ERC2: variants seen among roughly 807,000 people sequenced by gnomAD.
The protein encoded by ERC2 is ELKS/RAB6-interacting/CAST family member 2.
A neutral mutation model predicts 114.8 loss-of-function variants in ERC2; 42 were observed. That is an observed-to-expected ratio of 0.37 (90% CI 0.29 to 0.47). The LOEUF is 0.47. ERC2 is among the 20% of genes least tolerant of loss of function. The pLI, the probability that ERC2 is intolerant of heterozygous loss-of-function variation, is 0.99. For synonymous variants in ERC2, 454 were observed against 425.5 expected (o/e 1.07, Z -0.82); for missense variants, 939 against 1,150.7 (o/e 0.82, Z 2.66).
At chr3:55,865,837 T>G (rs2062286264) in intron 14 of ERC2, among the ~76,000 whole-genome samples, 1 of 152,214 alleles carries the variant, frequency 6.6e-6, no homozygotes, top group African/African-American at 2.4e-5. Flanking sequence ...TACCATCTTT[T>G]GTCTATCCAT....
intron 4 of ERC2, 135 bp from the exon 5 acceptor site, chr3:56,149,267 G>A: frequency 1.3e-6 from 1 of 791,604 alleles, no homozygotes; most frequent in Non-Finnish European, 1.9e-6. Context: ...CCTGAATTTA[G>A]GACAACTTAT....
chr3:56,115,261 C>A (rs1226162263), intron 6 of ERC2, among the ~76,000 whole-genome samples: 1 of 152,172 alleles, frequency 6.6e-6, no homozygotes, highest in Non-Finnish European at 1.5e-5. Context: ...CAGTTACAAA[C>A]CCAGAAGCTC....
At chr3:56,350,012 C>A (rs2058489959) in intron 2 of ERC2, among the ~76,000 whole-genome samples, 1 of 151,998 alleles carries the variant, frequency 6.6e-6, no homozygotes, top group Non-Finnish European at 1.5e-5. Flanking sequence ...TGCAATATGC[C>A]TATAGAACAA....
At chr3:56,214,919 A>C (rs1266754798) in intron 3 of ERC2, among the ~76,000 whole-genome samples, 1 of 152,222 alleles carries the variant, frequency 6.6e-6, no homozygotes, top group East Asian at 1.9e-4. Flanking sequence ...GAGAAATAAA[A>C]TCCTTTACAG....
At chr3:55,969,885 A>G (rs1031026192) in intron 12 of ERC2, among the ~76,000 whole-genome samples, 3 of 152,224 alleles carry the variant, frequency 2.0e-5, no homozygotes, top group African/African-American at 7.2e-5. Context: ...GCACTATAAA[A>G]TGAGGCCATA....
intron 2 of ERC2, among the ~76,000 whole-genome samples, chr3:56,380,218 T>C (rs775436042): frequency 1.3e-5 from 2 of 152,140 alleles, no homozygotes; most frequent in African/African-American, 2.4e-5. Flanking sequence ...GGAGACATGA[T>C]TGCTTTATAG....
intron 6 of ERC2, among the ~76,000 whole-genome samples, chr3:56,103,402 G>A (rs531988183): frequency 6.6e-6 from 1 of 152,228 alleles, no homozygotes; most frequent in East Asian, 1.9e-4. Context: ...AGGATGTAAT[G>A]GAGCCAAAAG....
chr3:55,996,028 G>C (rs1490090666), intron 10 of ERC2, among the ~76,000 whole-genome samples: 1 of 152,108 alleles, frequency 6.6e-6, no homozygotes, highest in East Asian at 1.9e-4. Flanking sequence ...TAACAGACTT[G>C]GATCTATCAT....
At chr3:56,233,858 C>T (rs1349651111) in intron 3 of ERC2, among the ~76,000 whole-genome samples, 1 of 152,152 alleles carries the variant, frequency 6.6e-6, no homozygotes. Context: ...TCTCTACCAT[C>T]ACATCTCCTT....
intron 7 of ERC2, among the ~76,000 whole-genome samples, chr3:56,057,003 C>T (rs1340326065): frequency 1.3e-5 from 2 of 152,084 alleles, no homozygotes; most frequent in African/African-American, 2.4e-5. Context: ...GTCTAACCTA[C>T]ATAGTTAAAA....
intron 2 of ERC2, among the ~76,000 whole-genome samples, chr3:56,373,916 A>G (rs1192090413): frequency 1.3e-5 from 2 of 152,248 alleles, no homozygotes; most frequent in African/African-American, 4.8e-5. Context: ...AGTCAAATTC[A>G]TTCTTGCTCG....
At chr3:55,823,995 G>A (rs1340464316) in intron 14 of ERC2, among the ~76,000 whole-genome samples, 3 of 152,126 alleles carry the variant, frequency 2.0e-5, no homozygotes, top group African/African-American at 7.2e-5. Flanking sequence ...CTTGCAGATG[G>A]CCACCTTCTT....
chr3:55,797,157 C>T (rs1032252755), intron 14 of ERC2, among the ~76,000 whole-genome samples: 1 of 152,116 alleles, frequency 6.6e-6, no homozygotes, highest in African/African-American at 2.4e-5. Context: ...TGACTAGATG[C>T]TAGGAAAGGC....
intron 1 of ERC2, among the ~76,000 whole-genome samples, chr3:56,440,627 C>T (rs909123443): frequency 6.6e-6 from 1 of 151,536 alleles, no homozygotes; most frequent in African/African-American, 2.4e-5. Flanking sequence ...GAGGCTGAGG[C>T]AGGAGGATTG....
chr3:56,274,514 G>A (rs574656882), intron 3 of ERC2, among the ~76,000 whole-genome samples: 42 of 151,402 alleles, frequency 2.8e-4, no homozygotes, highest in African/African-American at 1.0e-3. Flanking sequence ...GCATTTGGTT[G>A]AAAAAAAAAA....
At chr3:56,189,883 G>A (rs2083881471) in intron 3 of ERC2, among the ~76,000 whole-genome samples, 2 of 152,178 alleles carry the variant, frequency 1.3e-5, no homozygotes, top group Admixed American at 6.5e-5. Flanking sequence ...AATATTTTAT[G>A]GCATTTGCCC....
chr3:56,104,378 T>A (rs2078530777), intron 6 of ERC2, among the ~76,000 whole-genome samples: 1 of 152,232 alleles, frequency 6.6e-6, no homozygotes, highest in Admixed American at 6.5e-5. Flanking sequence ...TTCCAATTAG[T>A]TCTGCCTGAA....
In ERC2 at chr3:55,627,580, C is replaced by T. The variant is rs534355153; in HGVS notation, c.*39+56214G>A. 7.2e-5 allele frequency among the ~76,000 whole-genome samples: 11 copies of T among 152,292 alleles called. No homozygotes were observed. In the South Asian group the frequency reaches 2.1e-3, roughly 29 times the overall value. ...GGCCATATGGGTGAGCCAATATCGTCACCTTAATATTTAGAAGCTAGGCAA... is the reference window on the plus strand; with the variant it reads ...GGCCATATGGGTGAGCCAATATCGTTACCTTAATATTTAGAAGCTAGGCAA... On this transcript the variant is annotated intron_variant, in intron 17 of 17. Coordinates refer to ENST00000288221, the MANE Select transcript of ERC2 (RefSeq NM_015576.3).
rs572140708 is a variant in ERC2 at position 56,464,886 on chromosome 3, GA to G, written c.-141+3361del. Reference sequence around the variant, plus strand: ...TAGAGGATTTTAAAAAAAGAAAAAAGAAAAAAAAAAAGGCTAGAGGGTGTCC... The same window carrying G: ...TAGAGGATTTTAAAAAAAGAAAAAAGAAAAAAAAAAGGCTAGAGGGTGTCC... On this transcript the variant is annotated intron_variant, in intron 1 of 17. Coordinates refer to ENST00000288221, the MANE Select transcript of ERC2 (RefSeq NM_015576.3). 9.1e-3 allele frequency among the ~76,000 whole-genome samples: 1,248 copies of G among 137,890 alleles called. 11 individuals are homozygous for G. Among genetic ancestry groups the G allele is most frequent in the Middle Eastern group, 0.04 (11 of 276 alleles). The allele number at this position is 137,890 out of a possible 152,430, so 90.5% of individuals were successfully genotyped here.
Sources: gnomAD v4.1 joint callset for allele counts (sites outside exome capture counted in the v4.1 genomes callset) on GRCh38, gnomAD v4.1.1 for gene constraint, MANE v1.5 for transcripts, NCBI Gene and HGNC (gene_info 2026-07-23, HGNC 2026-07-21) for gene names.